HMGCLL1: variants seen among roughly 807,000 people sequenced by gnomAD.
HMGCLL1 encodes 3-hydroxy-3-methylglutaryl-CoA lyase like 1, also known as 3-hydroxymethyl-3-methylglutaryl-CoA lyase, cytoplasmic.
In HMGCLL1, 36 loss-of-function variants were observed where a neutral mutation model predicts 39.1. That is an observed-to-expected ratio of 0.92 (90% CI 0.71 to 1.22). HMGCLL1 has a LOEUF of 1.22. Ranked by LOEUF, HMGCLL1 falls within the 50% of genes most tolerant of loss-of-function variation. HMGCLL1 has a pLI of 0.00. For missense variants in HMGCLL1, 451 were observed against 416.5 expected, an observed-to-expected ratio of 1.08 and a Z score of -0.72; for synonymous variants, 149 against 144.0, an observed-to-expected ratio of 1.03 and a Z score of -0.25.
At position 55,477,532 on chromosome 6, in the gene HMGCLL1, A is replaced by T. The variant is rs1438083198; in HGVS notation, c.795+17887T>A. ...TATATATGTAATTACATATATATAT[A>T]ATATATATAAATAAATGATGGACCA... is the stretch of plus-strand genomic sequence containing the variant. On this transcript the variant is annotated intron_variant, in intron 7 of 8. Transcript: ENST00000274901. 2.3e-5 allele frequency among the ~76,000 whole-genome samples: 2 copies of T among 87,730 alleles called. 1 individual carries two copies. Among genetic ancestry groups the T allele is most frequent in the African/African-American group, 7.6e-5 (2 of 26,424 alleles). 57.6% of individuals were successfully genotyped at this position (87,730 alleles called of 152,430 possible).
At chr6:55,574,054 T>TATATG (rs1405240217) in intron 1 of HMGCLL1, among the ~76,000 whole-genome samples, 1 of 152,102 alleles carries the variant, frequency 6.6e-6, no homozygotes, top group Non-Finnish European at 1.5e-5. Context: ...TGGCTGTTAA[T>TATATG]TTTTTAGATA....
chr6:55,563,507 A>G (rs1771063045), intron 1 of HMGCLL1, among the ~76,000 whole-genome samples: 1 of 152,270 alleles, frequency 6.6e-6, no homozygotes, highest in South Asian at 2.1e-4. Context: ...CCTGGGAATT[A>G]GTGAAATATC....
At chr6:55,547,366 A>G (rs1770040231) in intron 1 of HMGCLL1, among the ~76,000 whole-genome samples, 1 of 151,978 alleles carries the variant, frequency 6.6e-6, no homozygotes, top group African/African-American at 2.4e-5. Flanking sequence ...TCTCAGCAGT[A>G]ATAATGGATG....
chr6:55,597,252 G>GA, the HMGCLL1 span, among the ~76,000 whole-genome samples: 1 of 151,910 alleles, frequency 6.6e-6, no homozygotes, highest in African/African-American at 2.4e-5. Context: ...TAAAAATTCT[G>GA]AAAAAACTTA....
chr6:55,515,311 C>T (rs984526882), intron 4 of HMGCLL1, among the ~76,000 whole-genome samples: 1 of 151,522 alleles, frequency 6.6e-6, no homozygotes, highest in Non-Finnish European at 1.5e-5. Flanking sequence ...TTTCATCTTT[C>T]CTCAAACATT....
the HMGCLL1 span, among the ~76,000 whole-genome samples, chr6:55,654,866 A>G: frequency 2.6e-5 from 4 of 151,914 alleles, no homozygotes; most frequent in East Asian, 1.9e-4. Flanking sequence ...TAAATCATGT[A>G]ATCAACTCTC....
chr6:55,550,759 A>C (rs1770283082), intron 1 of HMGCLL1, among the ~76,000 whole-genome samples: 1 of 151,704 alleles, frequency 6.6e-6, no homozygotes, highest in Non-Finnish European at 1.5e-5. Context: ...CTCATTCAGG[A>C]CAATTTTGCA....
intron 7 of HMGCLL1, among the ~76,000 whole-genome samples, chr6:55,481,275 G>C (rs750998119): frequency 6.6e-6 from 1 of 151,946 alleles, no homozygotes; most frequent in Non-Finnish European, 1.5e-5. Context: ...CTACTTGGGA[G>C]GCTGAGGTGG....
the HMGCLL1 span, among the ~76,000 whole-genome samples, chr6:55,658,578 T>C: frequency 6.6e-6 from 1 of 151,880 alleles, no homozygotes; most frequent in South Asian, 2.1e-4. Flanking sequence ...AGAAGGTTAA[T>C]GAATATAGGG....
the HMGCLL1 span, among the ~76,000 whole-genome samples, chr6:55,646,442 G>A: frequency 1.7e-4 from 26 of 151,180 alleles, no homozygotes; most frequent in African/African-American, 2.9e-4. Flanking sequence ...TTTGGGTTTC[G>A]TTTGCTCTTG....
At chr6:55,620,013 C>A in the HMGCLL1 span, among the ~76,000 whole-genome samples, 1 of 152,060 alleles carries the variant, frequency 6.6e-6, no homozygotes, top group East Asian at 1.9e-4. Context: ...TTGTAAACAA[C>A]GGGATCTTAT....
At chr6:55,678,370 T>C in the HMGCLL1 span, among the ~76,000 whole-genome samples, 1 of 152,092 alleles carries the variant, frequency 6.6e-6, no homozygotes, top group Non-Finnish European at 1.5e-5. Flanking sequence ...TTAAATAAAA[T>C]ATAATCAAGA....
At chr6:55,483,970 G>T (rs1235546299) in intron 7 of HMGCLL1, among the ~76,000 whole-genome samples, 5 of 152,292 alleles carry the variant, frequency 3.3e-5, no homozygotes, top group Non-Finnish European at 5.9e-5. Flanking sequence ...AGTAGGGAAA[G>T]AATGGGTTAG....
intron 5 of HMGCLL1, among the ~76,000 whole-genome samples, chr6:55,500,439 G>C (rs1365623920): frequency 6.6e-6 from 1 of 151,902 alleles, no homozygotes; most frequent in Non-Finnish European, 1.5e-5. Flanking sequence ...ATTCCTAACA[G>C]TCTTTGGAGT....
the HMGCLL1 span, among the ~76,000 whole-genome samples, chr6:55,625,728 T>C: frequency 6.6e-6 from 1 of 152,170 alleles, no homozygotes; most frequent in South Asian, 2.1e-4. Context: ...ATGGTTTGGC[T>C]GGATGGTTTG....
At chr6:55,627,497 G>C in the HMGCLL1 span, among the ~76,000 whole-genome samples, 3 of 151,904 alleles carry the variant, frequency 2.0e-5, no homozygotes, top group Non-Finnish European at 2.9e-5. Context: ...ACAAGGGGTG[G>C]ACTTGTGATG....
rs944609093 is a variant in HMGCLL1 at position 55,524,053 on chromosome 6, T to C, written c.298-7450A>G. Among the ~76,000 whole-genome samples the C allele has an allele frequency of 2.0e-5, 3 of 151,942 alleles. No individual in the cohort carries two copies. The East Asian group carries it at 5.8e-4, about 29-fold the overall frequency. On this transcript the variant is annotated intron_variant, in intron 3 of 8. Coordinates refer to ENST00000274901, the MANE Select transcript of HMGCLL1 (RefSeq NM_001042406.2). ...TAGTTCTTCTAAAATAAAGACTATA[T>C]CTGCGTACAAATTTACATATATCAA...
At chr6:55,568,724 A>G (rs1771331672) in intron 1 of HMGCLL1, among the ~76,000 whole-genome samples, 1 of 152,134 alleles carries the variant, frequency 6.6e-6, no homozygotes, top group Non-Finnish European at 1.5e-5. Flanking sequence ...GAATTTCTAT[A>G]AAAATGATAG....
intron 7 of HMGCLL1, among the ~76,000 whole-genome samples, chr6:55,483,887 T>C (rs1179025540): frequency 6.6e-6 from 1 of 152,222 alleles, no homozygotes; most frequent in African/African-American, 2.4e-5. Flanking sequence ...CAGCTATTGT[T>C]ATCACAGAAT....
Sources: allele counts gnomAD v4.1 joint callset (sites outside exome capture counted in the v4.1 genomes callset), GRCh38; gene constraint gnomAD v4.1.1; transcripts MANE v1.5; gene names NCBI Gene and HGNC (gene_info 2026-07-23, HGNC 2026-07-21).